The following CNIH3 variants were observed in gnomAD, a reference collection of about 807,000 sequenced individuals.
CNIH3 encodes cornichon family AMPA receptor auxiliary protein 3.
In CNIH3, 14 loss-of-function variants were observed where a neutral mutation model predicts 24.1. That is an observed-to-expected ratio of 0.58 (90% CI 0.38 to 0.91). The LOEUF (loss-of-function observed/expected upper bound fraction) is 0.91. Among genes scored for constraint, CNIH3 ranks in the 40% least tolerant of loss-of-function variants. The pLI, the probability that CNIH3 is intolerant of heterozygous loss-of-function variation, is 0.00. For synonymous variants in CNIH3, 68 were observed against 73.8 expected, an observed-to-expected ratio of 0.92 and a Z score of 0.40; for missense variants, 178 against 196.8, an observed-to-expected ratio of 0.90 and a Z score of 0.57.
At chr1:224,555,707 T>A (rs1414687832) in intron 3 of CNIH3, among the ~76,000 whole-genome samples, 2 of 152,234 alleles carry the variant, frequency 1.3e-5, no homozygotes, top group Non-Finnish European at 2.9e-5. Flanking sequence ...TTACTTTTGG[T>A]AGAGATTTCA....
intron 4 of CNIH3, among the ~76,000 whole-genome samples, chr1:224,572,644 T>A (rs905623209): frequency 6.6e-5 from 10 of 151,696 alleles, no homozygotes; most frequent in South Asian, 2.1e-4. Context: ...TTTTTTTTTT[T>A]AATATTTCTG....
chr1:224,441,565 CATT>C (rs1196868699), intron 1 of CNIH3, among the ~76,000 whole-genome samples: 1 of 152,194 alleles, frequency 6.6e-6, no homozygotes, highest in African/African-American at 2.4e-5. Context: ...ATCCCTCTGA[CATT>C]ATGATAATCA....
chr1:224,600,723 C>G (rs2125040858), intron 3 of CNIH3, among the ~76,000 whole-genome samples: 1 of 152,276 alleles, frequency 6.6e-6, no homozygotes, highest in Non-Finnish European at 1.5e-5. Context: ...TCCCAAAATT[C>G]ATATGCTGAA....
intron 1 of CNIH3, among the ~76,000 whole-genome samples, chr1:224,519,017 C>T (rs909774684): frequency 9.9e-5 from 15 of 152,144 alleles, no homozygotes; most frequent in African/African-American, 3.6e-4. Context: ...ATAATAATAC[C>T]TACCCCACTA....
intron 1 of CNIH3, among the ~76,000 whole-genome samples, chr1:224,492,567 A>G (rs934308658): frequency 2.0e-5 from 3 of 152,256 alleles, no homozygotes; most frequent in South Asian, 2.1e-4. Flanking sequence ...GATAAAATCT[A>G]TTAATATATT....
chr1:224,442,548 CTTT>C (rs563721182), intron 1 of CNIH3, among the ~76,000 whole-genome samples: 1 of 151,932 alleles, frequency 6.6e-6, no homozygotes. Context: ...CATTCTTAGC[CTTT>C]TTTTTCCCTG....
chr1:224,444,004 A>G lies in CNIH3; in HGVS notation n.203+9142A>G, dbSNP rs192090617. On this transcript the variant is annotated intron_variant and non_coding_transcript_variant, in intron 1 of 5. Transcript: ENST00000471578. The stretch of plus-strand genomic sequence containing the variant: ...TTTTTAAAAAGTTTTATTATGCAGT[A>G]TTTTAAACATACATAAAGGTAAAGA... Among the ~76,000 whole-genome samples the G allele has an allele frequency of 1.4e-4, 22 of 152,310 alleles. No individual in the cohort carries two copies. In the East Asian group the frequency reaches 3.7e-3, roughly 25 times the overall value.
At chr1:224,658,371 A>G (rs962365533) in intron 1 of CNIH3, among the ~76,000 whole-genome samples, 2 of 151,542 alleles carry the variant, frequency 1.3e-5, no homozygotes, top group African/African-American at 2.4e-5. Context: ...AGGTTTTGCC[A>G]TGTTGCTCAG....
At chr1:224,695,357 A>AACACACACAC (rs56245587) in intron 3 of CNIH3, among the ~76,000 whole-genome samples, 93 of 145,854 alleles carry the variant, frequency 6.4e-4, no homozygotes, top group African/African-American at 2.0e-3. Context: ...TCTCTTTCTA[A>AACACACACAC]ACACACACAC....
downstream of CNIH3, among the ~76,000 whole-genome samples, chr1:224,590,377 G>A (rs1200109404): frequency 6.6e-6 from 1 of 152,140 alleles, no homozygotes; most frequent in Non-Finnish European, 1.5e-5. Context: ...CTTAACCTGA[G>A]CATGGATGTG....
At chr1:224,605,416 A>G (rs1330841002) in intron 3 of CNIH3, among the ~76,000 whole-genome samples, 1 of 152,206 alleles carries the variant, frequency 6.6e-6, no homozygotes, top group Non-Finnish European at 1.5e-5. Context: ...GGGTGGGCCA[A>G]GCTAACTTTG....
At chr1:224,697,060 A>G (rs1219758214) in intron 3 of CNIH3, among the ~76,000 whole-genome samples, 1 of 152,250 alleles carries the variant, frequency 6.6e-6, no homozygotes, top group East Asian at 1.9e-4. Flanking sequence ...ACTGGCAACC[A>G]CAAATACCAT....
At chr1:224,696,017 G>A (rs1687161874) in intron 3 of CNIH3, among the ~76,000 whole-genome samples, 1 of 152,172 alleles carries the variant, frequency 6.6e-6, no homozygotes, top group South Asian at 2.1e-4. Context: ...TGGGATATGG[G>A]TTTGGGTCTG....
chr1:224,484,133 T>G (rs1424865954), intron 1 of CNIH3, among the ~76,000 whole-genome samples: 3 of 149,104 alleles, frequency 2.0e-5, no homozygotes. Flanking sequence ...ATCGCACCAT[T>G]GCACTCTAGC....
intron 3 of CNIH3, among the ~76,000 whole-genome samples, chr1:224,609,389 G>A (rs1412188075): frequency 1.3e-5 from 2 of 152,240 alleles, no homozygotes; most frequent in Middle Eastern, 3.4e-3. Flanking sequence ...CCCACCAAGA[G>A]AGAAACAGTA....
chr1:224,590,687 C>G (rs368263014), downstream of CNIH3, among the ~76,000 whole-genome samples: 6 of 152,264 alleles, frequency 3.9e-5, no homozygotes, highest in South Asian at 2.1e-4. Context: ...AAACACCCCC[C>G]CTTAGGTCTC....
intron 1 of CNIH3, among the ~76,000 whole-genome samples, chr1:224,638,218 G>A (rs956804060): frequency 1.3e-5 from 2 of 152,262 alleles, no homozygotes; most frequent in African/African-American, 4.8e-5. Context: ...GCCCTTGGAT[G>A]GCTTTACAGC....
chr1:224,613,813 C>A (rs566007220), upstream of CNIH3, among the ~76,000 whole-genome samples: 1 of 152,152 alleles, frequency 6.6e-6, no homozygotes, highest in Non-Finnish European at 1.5e-5. Context: ...TGGTGCCGTG[C>A]TTGTACAGCC....
chr1:224,438,159 C>T (rs928462746), intron 1 of CNIH3, among the ~76,000 whole-genome samples: 19 of 151,856 alleles, frequency 1.3e-4, no homozygotes, highest in African/African-American at 4.1e-4. Context: ...CTCCTGACCT[C>T]GTGATCTGCC....
Sources: gnomAD v4.1 joint callset for allele counts (sites outside exome capture counted in the v4.1 genomes callset) on GRCh38, gnomAD v4.1.1 for gene constraint, MANE v1.5 for transcripts, NCBI Gene and HGNC (gene_info 2026-07-23, HGNC 2026-07-21) for gene names.